Variants in KIF26B observed in about 807,000 individuals in gnomAD.
The protein encoded by KIF26B is kinesin-like protein KIF26B.
A neutral mutation model predicts 151.2 loss-of-function variants in KIF26B; 63 were observed. The ratio of observed to expected loss-of-function variants is 0.42; its 90% CI spans 0.34 to 0.51. The LOEUF is 0.51. Ranked by LOEUF, KIF26B falls within the 20% of genes least tolerant of loss-of-function variation. The pLI, the probability that KIF26B is intolerant of heterozygous loss-of-function variation, is 0.07. For synonymous variants in KIF26B, 1,357 were observed against 1,262.1 expected, an observed-to-expected ratio of 1.08 and a Z score of -1.59; for missense variants, 2,813 against 2,913.6, an observed-to-expected ratio of 0.97 and a Z score of 0.79.
In KIF26B at chr1:245,685,387, C is replaced by T; in HGVS notation, c.2422-18C>T. On this transcript the variant is annotated intron_variant, in intron 11 of 14. Coordinates refer to ENST00000407071, the MANE Select transcript of KIF26B (RefSeq NM_018012.4). ...TGCCACGGAAAGGCCACCACATTAA[C>T]TGCCGTCTCACTCACAGTACACATC... 2 of 1,582,356 alleles carry T rather than the reference C, an allele frequency of 1.3e-6. No individual in the cohort carries two copies. The highest frequency in any genetic ancestry group is 1.7e-6 in the Non-Finnish European group (2 of 1,158,772).
rs767818095 is a variant in KIF26B at position 245,495,733 on chromosome 1, A to G, written c.1167-45034A>G. Among the ~76,000 whole-genome samples, 1 of 152,222 alleles carries G rather than the reference A, an allele frequency of 6.6e-6. No individual in the cohort carries two copies. Among genetic ancestry groups the G allele is most frequent in the South Asian group, 2.1e-4 (1 of 4,834 alleles). ...ATTTAAGAAGCCCTGGCTTGCCCCA[A>G]CCAGGATATACACAGAGAAAACCAC... On this transcript the variant is annotated intron_variant, in intron 4 of 14. Transcript: ENST00000407071. This position sits in a 1 kb window ranked among gnomAD's most constrained non-coding sequence, Gnocchi z 4.2.
chr1:245,552,171 G>GTGTGTGTGTGT (rs1661902581), intron 5 of KIF26B, among the ~76,000 whole-genome samples: 1 of 147,052 alleles, frequency 6.8e-6, no homozygotes, highest in Non-Finnish European at 1.5e-5. Flanking sequence ...GTGTGTGTGT[G>GTGTGTGTGTGT]GAGTGGGGGT....
chr1:245,366,057 G>C (rs1048543768), intron 2 of KIF26B, among the ~76,000 whole-genome samples: 2 of 152,190 alleles, frequency 1.3e-5, no homozygotes, highest in Non-Finnish European at 2.9e-5. Context: ...CTCTGTTCGA[G>C]GTTGCAAGTT....
chr1:245,264,937 C>T lies in KIF26B; in HGVS notation c.466-101897C>T, dbSNP rs557512899. Among the ~76,000 whole-genome samples the T allele has an allele frequency of 2.0e-5, 3 of 151,210 alleles. No homozygotes were observed. In the South Asian group the frequency reaches 6.3e-4, roughly 32 times the overall value. ...AGCCCTGGCCAGGCACGGTGGCTCA[C>T]GCCTGTAATCCCAGCACTTTGGGAG... is the stretch of plus-strand genomic sequence containing the variant. On this transcript the variant is annotated intron_variant, in intron 2 of 14. Coordinates refer to ENST00000407071, the MANE Select transcript of KIF26B (RefSeq NM_018012.4).
rs777996830 is a variant in KIF26B at position 245,685,504 on chromosome 1, C to T, written c.2521C>T (p.Pro841Ser). ...CTTCCACACCAGGGCCACGGTGGACCCTGACTTCCCCATCGCTCACCTGTC... is the reference window on the plus strand; with the variant it reads ...CTTCCACACCAGGGCCACGGTGGACTCTGACTTCCCCATCGCTCACCTGTC... The part of the protein sequence containing the change: ...RPFHTRATVD[P>S]DFPIAHLSSD... Residue 841 changes from proline to serine, a missense_variant, in exon 12 of 15, where the codon CCT becomes TCT. Physicochemically the swap from Pro to Ser is moderately conservative, Grantham distance 74. Coordinates refer to ENST00000407071, the MANE Select transcript of KIF26B (RefSeq NM_018012.4). 8 of 1,613,744 alleles carry T rather than the reference C, an allele frequency of 5.0e-6. No individual in the cohort carries two copies. In the East Asian group the frequency reaches 1.8e-4, roughly 36 times the overall value.
intron 4 of KIF26B, among the ~76,000 whole-genome samples, chr1:245,486,316 A>C (rs1385135595): frequency 1.3e-5 from 2 of 152,226 alleles, no homozygotes; most frequent in East Asian, 1.9e-4. Flanking sequence ...GAAGAAAAGC[A>C]TCTGTCAATT....
chr1:245,367,230 G>A lies in KIF26B; in HGVS notation c.862G>A (p.Ala288Thr). The change falls in exon 3 of 15, where the codon GCC becomes ACC. Residue 288 changes from alanine (A) to threonine (T), a missense_variant. Ala to Thr is a moderately conservative substitution (Grantham distance 58). Coordinates refer to ENST00000407071, the MANE Select transcript of KIF26B (RefSeq NM_018012.4). This position sits in a 1 kb window ranked among gnomAD's most constrained non-coding sequence, Gnocchi z 4.2. ...EKKSGSPTHQ[A>T]KVSLQMATSP... Reference sequence around the variant, plus strand: ...GAAGAGCGGGTCCCCAACCCACCAGGCCAAGGTCAGCCTCCAGATGGCCAC... The same window carrying A: ...GAAGAGCGGGTCCCCAACCCACCAGACCAAGGTCAGCCTCCAGATGGCCAC... 5 of 1,609,084 alleles carry A rather than the reference G, an allele frequency of 3.1e-6. No homozygotes were observed. Among genetic ancestry groups the A allele is most frequent in the Non-Finnish European group, 4.2e-6 (5 of 1,177,814 alleles).
chr1:245,277,390 G>A (rs1175307481), intron 2 of KIF26B, among the ~76,000 whole-genome samples: 1 of 152,162 alleles, frequency 6.6e-6, no homozygotes, highest in African/African-American at 2.4e-5. Flanking sequence ...TATCCACATA[G>A]GTGTTTTGAC....
At chr1:245,390,945 A>AC (rs1673681261) in intron 3 of KIF26B, among the ~76,000 whole-genome samples, 4 of 148,482 alleles carry the variant, frequency 2.7e-5, no homozygotes, top group African/African-American at 9.9e-5. Flanking sequence ...AAAAAAAAAA[A>AC]AAAAAAACCA....
chr1:245,202,351 T>C (rs1197693579), intron 2 of KIF26B, among the ~76,000 whole-genome samples: 2 of 152,190 alleles, frequency 1.3e-5, no homozygotes, highest in African/African-American at 4.8e-5. Context: ...TCAGGTTTAG[T>C]GGGAAGAGCG....
chr1:245,649,123 C>T (rs535537699), intron 10 of KIF26B, among the ~76,000 whole-genome samples: 10 of 152,210 alleles, frequency 6.6e-5, no homozygotes, highest in African/African-American at 1.4e-4. Flanking sequence ...CTTCATTGTA[C>T]GTGATCTTAA....
At chr1:245,420,638 C>CTT (rs1465003307) in intron 4 of KIF26B, among the ~76,000 whole-genome samples, 1 of 152,206 alleles carries the variant, frequency 6.6e-6, no homozygotes, top group Non-Finnish European at 1.5e-5. Context: ...ATCACAAGAC[C>CTT]TTTTGGGTTC....
chr1:245,325,543 T>A (rs1461277443), intron 2 of KIF26B, among the ~76,000 whole-genome samples: 3 of 152,034 alleles, frequency 2.0e-5, no homozygotes, highest in Admixed American at 1.3e-4. Context: ...TGAAACCCCG[T>A]CTCTACTACA....
intron 4 of KIF26B, among the ~76,000 whole-genome samples, chr1:245,469,008 G>A (rs1157441114): frequency 6.6e-6 from 1 of 152,192 alleles, no homozygotes; most frequent in Non-Finnish European, 1.5e-5. Context: ...GTATATGTAT[G>A]TATGTTGTAT....
At chr1:245,414,321 G>A (rs1674365493) in intron 3 of KIF26B, among the ~76,000 whole-genome samples, 1 of 152,226 alleles carries the variant, frequency 6.6e-6, no homozygotes. Flanking sequence ...AAGAGGAAAA[G>A]TGCTGTTGAG....
At position 245,244,131 on chromosome 1, in the gene KIF26B, A is replaced by T. The variant is rs1474155581; in HGVS notation, c.465+87448A>T. Among the ~76,000 whole-genome samples the T allele has an allele frequency of 5.9e-5, 9 of 151,770 alleles. No individual in the cohort carries two copies. Among genetic ancestry groups the T allele is most frequent in the Admixed American group, 3.9e-4 (6 of 15,224 alleles). ...CTGGCTAATTTTTATTTATTTATTT[A>T]TTTTTTGTAGAGATTGGGTCTTGCT... On this transcript the variant is annotated intron_variant, in intron 2 of 14. Coordinates refer to ENST00000407071, the MANE Select transcript of KIF26B (RefSeq NM_018012.4). The surrounding 1 kb of genome is among the most constrained non-coding windows in gnomAD (Gnocchi z 4.2).
At chr1:245,612,105 T>TGAGAGAGAGAGAGAGAGAGAGAGA (rs3047661) in intron 9 of KIF26B, 129 bp downstream of exon 9, 1 of 276,686 alleles carries the variant, frequency 3.6e-6, no homozygotes, top group Non-Finnish European at 5.9e-6. Flanking sequence ...TGTGTGTGTG[T>TGAGAGAGAGAGAGAGAGAGAGAGA]GAGAGAGAGA....
At position 245,572,031 on chromosome 1, in the gene KIF26B, C is replaced by A. The variant is rs1165474775; in HGVS notation, c.1351-30546C>A. Among the ~76,000 whole-genome samples, 2 of 152,120 alleles carry A rather than the reference C, an allele frequency of 1.3e-5. No homozygotes were observed. The highest frequency in any genetic ancestry group is 4.8e-5 in the African/African-American group (2 of 41,410). ...TGGGGGATTCTGTTAGAACAATATCCTCAGGGAATAGCTTTTATCTGCTAA... is the reference window on the plus strand; with the variant it reads ...TGGGGGATTCTGTTAGAACAATATCATCAGGGAATAGCTTTTATCTGCTAA... On this transcript the variant is annotated intron_variant, in intron 5 of 14. Coordinates refer to ENST00000407071, the MANE Select transcript of KIF26B (RefSeq NM_018012.4). The surrounding 1 kb of genome is among the most constrained non-coding windows in gnomAD (Gnocchi z 4.2).
At chr1:245,664,853 C>T (rs1417370035) in intron 10 of KIF26B, among the ~76,000 whole-genome samples, 2 of 152,048 alleles carry the variant, frequency 1.3e-5, no homozygotes, top group African/African-American at 4.8e-5. Context: ...GCGTTTTTCT[C>T]CTTCACATAA....
Sources: allele counts gnomAD v4.1 joint callset (sites outside exome capture counted in the v4.1 genomes callset), GRCh38; gene constraint gnomAD v4.1.1; non-coding constraint Gnocchi (gnomAD v3.1); transcripts MANE v1.5; gene names NCBI Gene and HGNC (gene_info 2026-07-23, HGNC 2026-07-21).